Variants in ANK2 observed in about 807,000 individuals in gnomAD.
ANK2 encodes ankyrin-2.
ANK2 carries 83 observed loss-of-function variants against 360.5 expected under a neutral mutation model. The ratio of observed to expected loss-of-function variants is 0.23; its 90% confidence interval spans 0.19 to 0.28. The LOEUF is 0.28. ANK2 is among the 10% of genes least tolerant of loss of function. The pLI, the probability that ANK2 is intolerant of heterozygous loss-of-function variation, is 1.00. For missense variants in ANK2, 4,201 were observed against 4,795.7 expected (o/e 0.88, Z 3.66); for synonymous variants, 1,740 against 1,759.5 (o/e 0.99, Z 0.28).
the ANK2 span, among the ~76,000 whole-genome samples, chr4:112,751,685 C>T: frequency 7.2e-5 from 11 of 152,228 alleles, 1 homozygote; most frequent in South Asian, 2.1e-3. Context: ...AACAGGAATG[C>T]ACCCAGAGAT....
rs141890139 is a variant in ANK2, at chr4:112,977,066, C to T, written c.21+72552C>T. ...TTTGGTTCTCTTTTCTTAAATGAAG[C>T]GGGGTTTGCCTTTCTAAAAGAATGG... On this transcript the variant is annotated intron_variant, in intron 2 of 30. Coordinates refer to the ANK2 transcript ENST00000503271. 5.0e-3 allele frequency among the ~76,000 whole-genome samples: 755 copies of T among 152,150 alleles called. 3 individuals are homozygous for T. Among genetic ancestry groups the T allele is most frequent in the African/African-American group, 0.016 (673 of 41,512 alleles).
At chr4:112,847,278 G>A (rs10461148) in intron 1 of ANK2, among the ~76,000 whole-genome samples, 27,606 of 151,964 alleles carry the variant, frequency 0.18, 3,124 homozygotes, top group East Asian at 0.55. Context: ...TCAACTAGTC[G>A]TTTTCTACTA....
chr4:113,031,770 C>T (rs992047329), intron 2 of ANK2, among the ~76,000 whole-genome samples: 1 of 151,994 alleles, frequency 6.6e-6, no homozygotes. Flanking sequence ...AACACCTCTT[C>T]TCCTATTATT....
chr4:113,116,953 C>G (rs1388857819), intron 1 of ANK2: 3 of 246,108 alleles, frequency 1.2e-5, no homozygotes, highest in Non-Finnish European at 1.6e-5. Context: ...CTTGCAGCCA[C>G]CCAACTGCTG....
At chr4:112,960,422 T>A (rs752308398) in intron 2 of ANK2, among the ~76,000 whole-genome samples, 2 of 152,132 alleles carry the variant, frequency 1.3e-5, no homozygotes, top group Non-Finnish European at 2.9e-5. Context: ...GATCTGATTA[T>A]TATACCAGAC....
At chr4:113,324,187 C>G (rs1228294245) in intron 26 of ANK2, among the ~76,000 whole-genome samples, 1 of 151,920 alleles carries the variant, frequency 6.6e-6, no homozygotes, top group Non-Finnish European at 1.5e-5. Context: ...TTAAGTGGCA[C>G]TTAGCAGAGA....
chr4:113,338,774 C>T (rs571126663), intron 31 of ANK2, among the ~76,000 whole-genome samples: 5 of 152,110 alleles, frequency 3.3e-5, no homozygotes, highest in South Asian at 4.2e-4. Context: ...TGGTCTTGAT[C>T]TCCTGACCTT....
At chr4:112,809,518 G>A in the ANK2 span, among the ~76,000 whole-genome samples, 35 of 141,400 alleles carry the variant, frequency 2.5e-4, 1 homozygote, top group African/African-American at 8.6e-4. Context: ...CCGAGATCTC[G>A]CCACTGCACT....
Position 113,186,371 on chromosome 4 carries a change from C to T in ANK2, c.187-9997C>T, listed in dbSNP as rs944435897. ...ATAGCATCAACATCAACAAAAAGGACGTCCACACAAAAACCCCATTTGAAG... is the reference window on the plus strand; with the variant it reads ...ATAGCATCAACATCAACAAAAAGGATGTCCACACAAAAACCCCATTTGAAG... On this transcript the variant is annotated intron_variant, in intron 2 of 45. Coordinates refer to ENST00000357077, the MANE Select transcript of ANK2 (RefSeq NM_001148.6). 9.9e-5 allele frequency among the ~76,000 whole-genome samples: 15 copies of T among 152,036 alleles called. 1 individual carries two copies. The highest frequency in any genetic ancestry group is 4.1e-4 in the South Asian group (2 of 4,830).
chr4:112,752,463 G>T, the ANK2 span, among the ~76,000 whole-genome samples: 4 of 152,072 alleles, frequency 2.6e-5, no homozygotes, highest in South Asian at 8.3e-4. Flanking sequence ...ACTGGCTGGA[G>T]TGCAACAGCA....
Position 113,358,334 on chromosome 4 carries a change from T to C in ANK2, c.9716T>C (p.Val3239Ala), listed in dbSNP as rs2095946222. ...QTGDIPPLSG[V>A]KQISCPDSSE... ...GGTGATATACCTCCTCTCTCTGGTG[T>C]AAAGCAGATATCCTGCCCCGACTCT... The change falls in exon 38 of 46, where the codon GTA becomes GCA. Residue 3239 changes from valine to alanine, a missense_variant. Coordinates refer to ENST00000357077, the MANE Select transcript of ANK2 (RefSeq NM_001148.6). The C allele has an allele frequency of 1.2e-6, 2 of 1,613,898 alleles. No homozygotes were observed. The highest frequency in any genetic ancestry group is 1.7e-6 in the Non-Finnish European group (2 of 1,179,828).
the ANK2 span, among the ~76,000 whole-genome samples, chr4:112,771,261 C>CAT: frequency 6.6e-6 from 1 of 151,970 alleles, no homozygotes; most frequent in Admixed American, 6.6e-5. Flanking sequence ...TACAGGCATG[C>CAT]GCCACCACGC....
At chr4:113,010,433 A>G (rs976995644) in intron 2 of ANK2, among the ~76,000 whole-genome samples, 6 of 152,186 alleles carry the variant, frequency 3.9e-5, no homozygotes, top group African/African-American at 1.4e-4. Flanking sequence ...TCATCCATTT[A>G]TTTATTCAAC....
the ANK2 span, among the ~76,000 whole-genome samples, chr4:112,780,068 C>T: frequency 6.6e-6 from 1 of 151,742 alleles, no homozygotes; most frequent in Non-Finnish European, 1.5e-5. Context: ...ACTAAAAATA[C>T]AAAAATTAGC....
chr4:112,940,540 A>AGAAGT (rs1256119785), intron 2 of ANK2, among the ~76,000 whole-genome samples: 1 of 152,150 alleles, frequency 6.6e-6, no homozygotes, highest in East Asian at 1.9e-4. Context: ...GGTTATAATG[A>AGAAGT]GAAGTGATGT....
the ANK2 span, among the ~76,000 whole-genome samples, chr4:112,774,356 C>A: frequency 6.6e-6 from 1 of 152,000 alleles, no homozygotes; most frequent in Non-Finnish European, 1.5e-5. Flanking sequence ...GAAACCCTGT[C>A]TCTACTAAAA....
At chr4:112,775,545 A>ACACACACACAC in the ANK2 span, among the ~76,000 whole-genome samples, 15 of 151,038 alleles carry the variant, frequency 9.9e-5, no homozygotes, top group South Asian at 4.2e-4. Flanking sequence ...ACACACACAC[A>ACACACACACAC]AGAAAAAAAA....
chr4:113,080,930 G>A (rs574501061), intron 1 of ANK2, among the ~76,000 whole-genome samples: 3 of 152,154 alleles, frequency 2.0e-5, no homozygotes, highest in Non-Finnish European at 4.4e-5. Context: ...ATTAGGGACA[G>A]TATAGTAACC....
At chr4:113,191,969 C>T (rs777199834) in intron 2 of ANK2, among the ~76,000 whole-genome samples, 1 of 152,150 alleles carries the variant, frequency 6.6e-6, no homozygotes, top group Non-Finnish European at 1.5e-5. Flanking sequence ...TGCTTCATCC[C>T]ATTGTCAGTC....
Sources: gnomAD v4.1 joint callset for allele counts (sites outside exome capture counted in the v4.1 genomes callset) on GRCh38, gnomAD v4.1.1 for gene constraint, MANE v1.5 for transcripts, NCBI Gene and HGNC (gene_info 2026-07-23, HGNC 2026-07-21) for gene names.